DYM: variants seen among roughly 807,000 people sequenced by gnomAD.
The protein encoded by DYM is dyggve-Melchior-Clausen syndrome protein.
Under a neutral mutation model 93.1 loss-of-function variants are expected in DYM, and 78 were observed. That is an observed-to-expected ratio of 0.84 (90% CI 0.70 to 1.01). The LOEUF (loss-of-function observed/expected upper bound fraction) is 1.01. Among genes scored for constraint, DYM ranks in the 50% least tolerant of loss-of-function variants. The pLI, the probability that DYM is intolerant of heterozygous loss-of-function variation, is 0.00. For missense variants in DYM, 789 were observed against 845.0 expected, an observed-to-expected ratio of 0.93 and a Z score of 0.82; for synonymous variants, 321 against 319.7, an observed-to-expected ratio of 1.00 and a Z score of -0.04.
At chr18:49,060,371 C>T (rs945468664) in intron 17 of DYM, among the ~76,000 whole-genome samples, 1 of 152,026 alleles carries the variant, frequency 6.6e-6, no homozygotes, top group Admixed American at 6.6e-5. Context: ...ACTTCCATTT[C>T]CTACAGTGCT....
At chr18:49,458,683 C>A in intron 1 of DYM, among the ~76,000 whole-genome samples, 1 of 151,806 alleles carries the variant, frequency 6.6e-6, no homozygotes, top group Admixed American at 6.6e-5. Context: ...ACTAAAAATA[C>A]AAAAAATTAG....
intron 14 of DYM, among the ~76,000 whole-genome samples, chr18:49,173,365 T>C (rs760831536): frequency 1.6e-4 from 25 of 152,130 alleles, no homozygotes; most frequent in Admixed American, 3.3e-4. Flanking sequence ...TTGATTAGGA[T>C]TGTGTTCAAC....
At chr18:49,130,112 T>C (rs2083243410) in intron 15 of DYM, among the ~76,000 whole-genome samples, 1 of 152,132 alleles carries the variant, frequency 6.6e-6, no homozygotes, top group South Asian at 2.1e-4. Context: ...ACTTCTGAGA[T>C]CCAGGTGCAC....
intron 15 of DYM, among the ~76,000 whole-genome samples, chr18:49,161,604 T>C (rs919712988): frequency 3.9e-5 from 6 of 152,210 alleles, no homozygotes; most frequent in Admixed American, 2.0e-4. Context: ...ATCACAGGTA[T>C]GGCAAGTGTA....
chr18:49,272,627 A>G (rs1226388962), intron 10 of DYM, among the ~76,000 whole-genome samples: 2 of 152,162 alleles, frequency 1.3e-5, no homozygotes, highest in Non-Finnish European at 2.9e-5. Context: ...CTTAACCAAA[A>G]AGTGGGAGTA....
At chr18:49,221,827 A>C (rs2093370432) in intron 13 of DYM, among the ~76,000 whole-genome samples, 2 of 152,116 alleles carry the variant, frequency 1.3e-5, no homozygotes, top group Non-Finnish European at 2.9e-5. Context: ...TAATGGGTGG[A>C]GCACACCAGC....
intron 17 of DYM, among the ~76,000 whole-genome samples, chr18:49,054,403 G>A (rs961520447): frequency 5.3e-5 from 8 of 151,950 alleles, no homozygotes; most frequent in African/African-American, 9.7e-5. Flanking sequence ...CACTACGCCC[G>A]GCTAATTTGT....
At chr18:49,411,456 G>A (rs946144760) in intron 2 of DYM, among the ~76,000 whole-genome samples, 9 of 151,954 alleles carry the variant, frequency 5.9e-5, no homozygotes, top group African/African-American at 7.3e-5. Context: ...GTGTGGTCGG[G>A]AAGCTAAAAT....
chr18:49,208,393 T>G (rs1436988305), intron 14 of DYM: 1 of 152,126 alleles, frequency 6.6e-6, no homozygotes, highest in Non-Finnish European at 1.5e-5. Flanking sequence ...CTAAATTTGA[T>G]AAATTCTTCT....
chr18:49,300,086 A>C (rs868012902), intron 8 of DYM, among the ~76,000 whole-genome samples: 1,553 of 136,420 alleles, frequency 0.011, 29 homozygotes, highest in African/African-American at 0.04. Flanking sequence ...TATATATATA[A>C]ATATATATAT....
intron 8 of DYM, among the ~76,000 whole-genome samples, chr18:49,307,699 T>A (rs1200279591): frequency 6.6e-6 from 1 of 152,178 alleles, no homozygotes; most frequent in Admixed American, 6.5e-5. Context: ...GTCCTTTCTT[T>A]AACTTAGATC....
intron 1 of DYM, among the ~76,000 whole-genome samples, chr18:49,444,166 A>G (rs867770571): frequency 6.6e-6 from 1 of 152,224 alleles, no homozygotes; most frequent in Non-Finnish European, 1.5e-5. Context: ...TACTCTGCAG[A>G]AAACATCTGA....
chr18:49,157,713 T>G (rs1321428780), intron 15 of DYM, among the ~76,000 whole-genome samples: 1 of 152,256 alleles, frequency 6.6e-6, no homozygotes, highest in Non-Finnish European at 1.5e-5. Context: ...TTCTGTAGAT[T>G]GTCTTTTTGC....
chr18:49,214,547 C>T (rs1347456874), intron 13 of DYM, among the ~76,000 whole-genome samples: 2 of 143,358 alleles, frequency 1.4e-5, no homozygotes, highest in Non-Finnish European at 3.0e-5. Context: ...GAGGGAGATT[C>T]AGAATCAATG....
chr18:49,118,904 T>A lies in DYM; in HGVS notation c.1751A>T (p.Glu584Val). 4 of 1,614,072 alleles carry A rather than the reference T, an allele frequency of 2.5e-6. No individual in the cohort carries two copies. The highest frequency in any genetic ancestry group is 3.4e-6 in the Non-Finnish European group (4 of 1,179,966). ...PDYAQDLNVI[E>V]EVIRMMLEII... ...CTCTAACATCATTCGAATCACTTCT[T>A]CAATGACATTTAGGTCTTGTGCCTT... The change falls in exon 16 of 18, where the codon GAA becomes GTA. Residue 584 changes from glutamate to valine, a missense_variant. Glu to Val is a moderately radical substitution (Grantham distance 121, BLOSUM62 -2). Coordinates refer to ENST00000675505, the MANE Select transcript of DYM (RefSeq NM_001353214.3).
chr18:49,220,594 A>T (rs2093309201), intron 13 of DYM, among the ~76,000 whole-genome samples: 2 of 151,898 alleles, frequency 1.3e-5, no homozygotes, highest in South Asian at 4.2e-4. Context: ...CCTCAGAAAT[A>T]ATGCCGCATA....
At chr18:49,088,507 A>G in intron 17 of DYM, among the ~76,000 whole-genome samples, 1 of 151,434 alleles carries the variant, frequency 6.6e-6, no homozygotes, top group Admixed American at 6.6e-5. Flanking sequence ...GCATGTATAC[A>G]TATGTAACAA....
chr18:49,218,260 C>G (rs2093173902), intron 13 of DYM, among the ~76,000 whole-genome samples: 1 of 152,254 alleles, frequency 6.6e-6, no homozygotes, highest in East Asian at 1.9e-4. Flanking sequence ...TAAAGCAAGT[C>G]CTGAGGGACC....
intron 17 of DYM, among the ~76,000 whole-genome samples, chr18:49,045,032 C>T (rs1292060906): frequency 6.6e-6 from 1 of 152,250 alleles, no homozygotes; most frequent in East Asian, 1.9e-4. Flanking sequence ...GGAAGTGATT[C>T]CACTTTCAGC....
Sources: gnomAD v4.1 joint callset for allele counts (sites outside exome capture counted in the v4.1 genomes callset) on GRCh38, gnomAD v4.1.1 for gene constraint, MANE v1.5 for transcripts, NCBI Gene and HGNC (gene_info 2026-07-23, HGNC 2026-07-21) for gene names.